Variants in HERC1 observed in about 807,000 individuals in gnomAD.
The protein encoded by HERC1 is HECT and RLD domain containing E3 ubiquitin protein ligase family member 1, also known as probable E3 ubiquitin-protein ligase HERC1.
Under a neutral mutation model 554.3 loss-of-function variants are expected in HERC1, and 160 were observed. The observed-to-expected ratio is 0.29, with a 90% CI of 0.25 to 0.33. The LOEUF is 0.33. Among genes scored for constraint, HERC1 ranks in the 10% least tolerant of loss-of-function variants. HERC1 has a pLI of 1.00. For synonymous variants in HERC1, 2,175 were observed against 2,131.7 expected (o/e 1.02, Z -0.56); for missense variants, 4,919 against 5,918.5 (o/e 0.83, Z 5.54).
intron 75 of HERC1, 132 bp downstream of exon 75, chr15:63,616,298 C>G: frequency 1.1e-6 from 1 of 942,304 alleles, no homozygotes; most frequent in African/African-American, 1.6e-5. Flanking sequence ...CTAAGGGCAG[C>G]AATGGCATAG....
chr15:63,685,425 C>T (rs1035058323), intron 34 of HERC1, among the ~76,000 whole-genome samples: 1 of 152,194 alleles, frequency 6.6e-6, no homozygotes, highest in Non-Finnish European at 1.5e-5. Flanking sequence ...ACACATATAC[C>T]CTAAGGGATT....
At chr15:63,799,062 C>A (rs1489602389) in intron 1 of HERC1, among the ~76,000 whole-genome samples, 4 of 152,190 alleles carry the variant, frequency 2.6e-5, no homozygotes, top group Non-Finnish European at 5.9e-5. Flanking sequence ...CATACTTGCA[C>A]ATTTAATTTT....
chr15:63,653,488 A>T (rs1290911388), intron 51 of HERC1, among the ~76,000 whole-genome samples: 1 of 152,160 alleles, frequency 6.6e-6, no homozygotes, highest in Non-Finnish European at 1.5e-5. Flanking sequence ...TACAGCTCAG[A>T]GACCCCATGG....
intron 33 of HERC1, among the ~76,000 whole-genome samples, chr15:63,688,499 T>C (rs2071914557): frequency 6.6e-6 from 1 of 152,224 alleles, no homozygotes; most frequent in African/African-American, 2.4e-5. Flanking sequence ...AAGTCTTAAA[T>C]GAGTCTGAAT....
Position 63,654,246 on chromosome 15 carries a change from G to A in HERC1, c.10163C>T (p.Ala3388Val), listed in dbSNP as rs2152902683. Reference sequence around the variant, plus strand: ...AGCAAGAGTGCGCACGAGTTGCTGAGCTGCCCATTGCCGATGCTGTGAGGA... The same window carrying A: ...AGCAAGAGTGCGCACGAGTTGCTGAACTGCCCATTGCCGATGCTGTGAGGA... ...RLSSQHRQWA[A>V]QQLVRTLAAH... The change falls in exon 51 of 78, where the codon GCT becomes GTT. Residue 3388 changes from alanine (A) to valine (V), a missense_variant. Coordinates refer to ENST00000443617, the MANE Select transcript of HERC1 (RefSeq NM_003922.4). 6.2e-7 allele frequency: 1 copy of A among 1,614,026 alleles called. No homozygotes were observed. Among genetic ancestry groups the A allele is most frequent in the Middle Eastern group, 1.6e-4 (1 of 6,062 alleles).
intron 24 of HERC1, among the ~76,000 whole-genome samples, chr15:63,708,896 C>T (rs2073150266): frequency 6.6e-6 from 1 of 152,222 alleles, no homozygotes; most frequent in Admixed American, 6.5e-5. Flanking sequence ...CTCCCTTCAT[C>T]TGAAATGGAA....
intron 64 of HERC1, among the ~76,000 whole-genome samples, 163 bp from the exon 65 acceptor site, chr15:63,636,305 C>G (rs1235978430): frequency 6.7e-6 from 1 of 149,572 alleles, no homozygotes; most frequent in Non-Finnish European, 1.5e-5. Context: ...GAGTCTCACT[C>G]TGTCATCCAG....
intron 8 of HERC1, among the ~76,000 whole-genome samples, chr15:63,751,523 C>T (rs1033703834): frequency 2.0e-5 from 3 of 152,122 alleles, no homozygotes; most frequent in Non-Finnish European, 4.4e-5. Flanking sequence ...AGCGTTCCTT[C>T]GGTTGAGCAC....
At chr15:63,609,806 C>A (rs149832660) in intron 77 of HERC1, among the ~76,000 whole-genome samples, 1 of 152,162 alleles carries the variant, frequency 6.6e-6, no homozygotes, top group Admixed American at 6.5e-5. Flanking sequence ...AAGGAAGGGG[C>A]AGTCAATTAA....
chr15:63,801,314 C>T (rs2076979871), intron 1 of HERC1, among the ~76,000 whole-genome samples: 4 of 152,212 alleles, frequency 2.6e-5, no homozygotes, highest in Non-Finnish European at 2.9e-5. Context: ...GGACTCAATA[C>T]ATGCAACTGG....
chr15:63,794,094 AC>A (rs1477704806), intron 1 of HERC1, among the ~76,000 whole-genome samples: 1 of 152,112 alleles, frequency 6.6e-6, no homozygotes, highest in Non-Finnish European at 1.5e-5. Flanking sequence ...TCAGGAAGTC[AC>A]CCTATATGGT....
intron 1 of HERC1, among the ~76,000 whole-genome samples, chr15:63,818,490 A>T (rs1386345751): frequency 6.6e-6 from 1 of 152,264 alleles, no homozygotes; most frequent in Non-Finnish European, 1.5e-5. Flanking sequence ...GAACTGAAAG[A>T]CATCTTAAAT....
chr15:63,744,978 C>T (rs529966871), intron 12 of HERC1, among the ~76,000 whole-genome samples: 3 of 152,296 alleles, frequency 2.0e-5, no homozygotes, highest in African/African-American at 7.2e-5. Context: ...ATGAATGCTG[C>T]CAGTACTGAG....
At position 63,698,818 on chromosome 15, in the gene HERC1, A is replaced by G. The variant is rs1245776468; in HGVS notation, c.4815T>C (p.Asn1605=). ...VVSFVSGDVG[N]APGFKEPEES... is the part of the protein sequence containing the mutation. ...CCTCTGGCTCTTTAAAACCTGGGGCATTCCCCACATCTCCACTCACAAAGC... is the reference window on the plus strand; with the variant it reads ...CCTCTGGCTCTTTAAAACCTGGGGCGTTCCCCACATCTCCACTCACAAAGC... Residue 1605 remains asparagine, a synonymous_variant, in exon 26 of 78, where the codon AAT becomes AAC. Transcript: ENST00000443617. 1.9e-6 allele frequency: 3 copies of G among 1,613,326 alleles called. No individual in the cohort carries two copies. Among genetic ancestry groups the G allele is most frequent in the Non-Finnish European group, 2.5e-6 (3 of 1,179,396 alleles).
intron 42 of HERC1, among the ~76,000 whole-genome samples, chr15:63,664,851 G>A (rs2070538603): frequency 6.6e-6 from 1 of 152,152 alleles, no homozygotes; most frequent in African/African-American, 2.4e-5. Context: ...AAATTTAAAT[G>A]AGATCAAATA....
intron 2 of HERC1, among the ~76,000 whole-genome samples, chr15:63,773,935 G>A (rs772869425): frequency 7.9e-5 from 12 of 152,060 alleles, no homozygotes; most frequent in South Asian, 2.1e-4. Flanking sequence ...ATTATACTAC[G>A]CTATTTTATT....
chr15:63,799,514 T>A lies in HERC1; in HGVS notation c.-26-23865A>T, dbSNP rs919183374. On this transcript the variant is annotated intron_variant, in intron 1 of 77. Transcript: ENST00000443617. ...GACTCTGCCTCTAAAAAAAAAAAAA[T>A]AGAAAAAGAAAAAGAAAAATATTGA... Among the ~76,000 whole-genome samples the A allele has an allele frequency of 3.4e-3, 492 of 146,338 alleles. 4 individuals are homozygous for A. The highest frequency in any genetic ancestry group is 5.0e-3 in the Non-Finnish European group (330 of 66,188).
rs746135091 is a variant in HERC1 at position 63,727,983 on chromosome 15, G to A, written c.3155-145C>T. The A allele has an allele frequency of 6.5e-6, 4 of 616,068 alleles. No individual in the cohort carries two copies. The highest frequency in any genetic ancestry group is 1.8e-5 in the African/African-American group (1 of 54,238). 38.2% of individuals were successfully genotyped at this position (616,068 alleles called of 1,614,324 possible). Reference sequence around the variant, plus strand: ...GAACACCTACCTGGTAGCTGATGTAGTATCAGTGTTTATTCACTTTCAGAA... The same window carrying A: ...GAACACCTACCTGGTAGCTGATGTAATATCAGTGTTTATTCACTTTCAGAA... On this transcript the variant is annotated intron_variant, in intron 16 of 77. Coordinates refer to ENST00000443617, the MANE Select transcript of HERC1 (RefSeq NM_003922.4). This position sits in a 1 kb window ranked among gnomAD's most constrained non-coding sequence, Gnocchi z 4.3.
At chr15:63,709,165 A>T (rs11854824) in intron 24 of HERC1, among the ~76,000 whole-genome samples, 75,866 of 150,874 alleles carry the variant, frequency 0.5, 19,905 homozygotes, top group African/African-American at 0.56. Flanking sequence ...ATATATATAT[A>T]TTTTTTATTT....
Sources: allele counts gnomAD v4.1 joint callset (sites outside exome capture counted in the v4.1 genomes callset), GRCh38; gene constraint gnomAD v4.1.1; non-coding constraint Gnocchi (gnomAD v3.1); transcripts MANE v1.5; gene names NCBI Gene and HGNC (gene_info 2026-07-23, HGNC 2026-07-21).